The following PNLIP variants were observed in gnomAD, a reference collection of about 807,000 sequenced individuals.
PNLIP encodes pancreatic lipase, also known as pancreatic triacylglycerol lipase.
In PNLIP, 49 loss-of-function variants were observed where a neutral mutation model predicts 57.1. The observed-to-expected ratio is 0.86, with a 90% confidence interval of 0.68 to 1.09. The LOEUF is 1.09. Among genes scored for constraint, PNLIP ranks in the 50% least tolerant of loss-of-function variants. The pLI is 0.00. For missense variants in PNLIP, 503 were observed against 570.2 expected, an observed-to-expected ratio of 0.88 and a Z score of 1.20; for synonymous variants, 209 against 200.4, an observed-to-expected ratio of 1.04 and a Z score of -0.36.
intron 9 of PNLIP, among the ~76,000 whole-genome samples, chr10:116,556,921 T>C (rs1161674320): frequency 6.6e-6 from 1 of 152,194 alleles, no homozygotes; most frequent in Non-Finnish European, 1.5e-5. Context: ...TAGCTGAATA[T>C]CTTTGGGCAA....
chr10:116,557,887 G>A (rs1225136840), intron 9 of PNLIP, among the ~76,000 whole-genome samples: 3 of 152,084 alleles, frequency 2.0e-5, no homozygotes, highest in African/African-American at 7.2e-5. Context: ...GCTAGCTGGG[G>A]CATTTTCTCT....
intron 4 of PNLIP, among the ~76,000 whole-genome samples, chr10:116,549,478 C>CAAA (rs542104414): frequency 7.0e-6 from 1 of 142,266 alleles, no homozygotes; most frequent in African/African-American, 2.6e-5. Flanking sequence ...GATTCCGTCT[C>CAAA]AAAAAAAAAA....
At chr10:116,560,583 C>T (rs151053071) in intron 11 of PNLIP, 59 bp downstream of exon 11, 15 of 741,874 alleles carry the variant, frequency 2.0e-5, no homozygotes, top group South Asian at 3.6e-5. Flanking sequence ...GTCGGAGTCT[C>T]GCTGTGTCGC....
intron 11 of PNLIP, 39 bp downstream of exon 11, chr10:116,560,563 T>G (rs1847304524): frequency 9.4e-7 from 1 of 1,062,706 alleles, no homozygotes; most frequent in Non-Finnish European, 1.4e-6. Context: ...TTTTTTTTTT[T>G]TTTTTTTGAG....
intron 2 of PNLIP, 100 bp from the exon 3 acceptor site, chr10:116,547,194 A>T: frequency 9.0e-7 from 1 of 1,105,126 alleles, no homozygotes; most frequent in Non-Finnish European, 1.4e-6. Context: ...GTAGCAGAGG[A>T]GGAAAGTCTA....
intron 8 of PNLIP, 123 bp downstream of exon 8, chr10:116,555,630 T>A: frequency 6.2e-6 from 7 of 1,123,952 alleles, no homozygotes; most frequent in Non-Finnish European, 8.9e-6. Context: ...AGACTTTTAA[T>A]TGTATCCATG....
In PNLIP at chr10:116,548,402, A is replaced by G; in HGVS notation, c.244A>G (p.Lys82Glu). The change falls in exon 4 of 13, where the codon AAA (lysine) becomes GAA (glutamate). Residue 82 changes from lysine to glutamate, a missense_variant. Transcript: ENST00000369221. ...DSSSISGSNF[K>E]TNRKTRFIIH... is the part of the protein sequence containing the mutation. ...ATCAAGCATCAGTGGCTCCAATTTCAAAACAAATAGAAAAACTCGCTTTAT... is the reference window on the plus strand; with the variant it reads ...ATCAAGCATCAGTGGCTCCAATTTCGAAACAAATAGAAAAACTCGCTTTAT... The G allele has an allele frequency of 6.2e-7, 1 of 1,614,144 alleles. No individual in the cohort carries two copies. Among genetic ancestry groups the G allele is most frequent in the Non-Finnish European group, 8.5e-7 (1 of 1,179,958 alleles).
intron 12 of PNLIP, among the ~76,000 whole-genome samples, chr10:116,562,242 A>G (rs1847322884): frequency 1.3e-5 from 2 of 152,196 alleles, no homozygotes; most frequent in Admixed American, 6.5e-5. Context: ...CTGTCATTCT[A>G]TCCTTCCATC....
intron 12 of PNLIP, among the ~76,000 whole-genome samples, chr10:116,564,982 C>T (rs996453065): frequency 2.6e-5 from 4 of 151,762 alleles, no homozygotes; most frequent in South Asian, 2.1e-4. Flanking sequence ...TAAAAGGGGC[C>T]GGGTGTGGTG....
rs766287516 is a variant in PNLIP, at chr10:116,555,209, C to G, written c.603C>G (p.Gly201=). 2 of 1,613,996 alleles carry G rather than the reference C, an allele frequency of 1.2e-6. No individual in the cohort carries two copies. Among genetic ancestry groups the G allele is most frequent in the Non-Finnish European group, 1.7e-6 (2 of 1,179,868 alleles). The change falls in exon 7 of 13, where the codon GGC becomes GGG. Residue 201 remains glycine (G), a synonymous_variant. Transcript: ENST00000369221. ...ACCCAGCAGAACCTTGCTTTCAGGG[C>G]ACACCTGAATTAGTCCGATTGGACC... ...GLDPAEPCFQ[G]TPELVRLDPS...
chr10:116,547,264 T>C (rs747737299), intron 2 of PNLIP, 30 bp from the exon 3 acceptor site: 2 of 1,611,150 alleles, frequency 1.2e-6, no homozygotes, highest in South Asian at 2.2e-5. Flanking sequence ...AGCATGTTTG[T>C]AAAACTAATA....
At chr10:116,566,191 T>G (rs753852765) in intron 12 of PNLIP, among the ~76,000 whole-genome samples, 3 of 152,180 alleles carry the variant, frequency 2.0e-5, no homozygotes, top group Non-Finnish European at 2.9e-5. Context: ...CAAACTATGG[T>G]CTATGGTCTG....
chr10:116,547,880 T>A (rs780470781), intron 3 of PNLIP, among the ~76,000 whole-genome samples: 15 of 152,098 alleles, frequency 9.9e-5, no homozygotes, highest in Non-Finnish European at 1.8e-4. Context: ...TATTACTTAA[T>A]GTAAATTGTT....
At chr10:116,560,253 C>T (rs903410590) in intron 10 of PNLIP, among the ~76,000 whole-genome samples, 163 bp from the exon 11 acceptor site, 2 of 149,166 alleles carry the variant, frequency 1.3e-5, no homozygotes, top group African/African-American at 2.5e-5. Flanking sequence ...AAAGGAATAT[C>T]TATCACTATT....
At chr10:116,564,947 A>G (rs779623975) in intron 12 of PNLIP, among the ~76,000 whole-genome samples, 1 of 152,204 alleles carries the variant, frequency 6.6e-6, no homozygotes, top group African/African-American at 2.4e-5. Flanking sequence ...ATAAAATATA[A>G]TCCAAAATAG....
intron 12 of PNLIP, among the ~76,000 whole-genome samples, chr10:116,566,079 G>C (rs565129401): frequency 6.6e-6 from 1 of 152,330 alleles, no homozygotes; most frequent in Non-Finnish European, 1.5e-5. Context: ...AAAGTGCTGG[G>C]ATTACATGTG....
In PNLIP at chr10:116,565,173, C is replaced by T. The variant is rs527598938; in HGVS notation, c.1335-2562C>T. Among the ~76,000 whole-genome samples, 350 of 128,336 alleles carry T rather than the reference C, an allele frequency of 2.7e-3. 1 individual carries two copies. Among genetic ancestry groups the T allele is most frequent in the African/African-American group, 9.6e-3 (330 of 34,374 alleles). 84.2% of individuals were successfully genotyped at this position (128,336 alleles called of 152,430 possible). On this transcript the variant is annotated intron_variant, in intron 12 of 12. Transcript: ENST00000369221. ...GCTGAGGCAGGAGAATGGCGTGAAC[C>T]CGGGAGGCGGAGCTTGCAGTGAGCC...
At position 116,556,047 on chromosome 10, in the gene PNLIP, T is replaced by C. The variant is rs925285521; in HGVS notation, c.859T>C (p.Tyr287His). Residue 287 changes from tyrosine to histidine, a missense_variant, in exon 9 of 13, where the codon TAC (tyrosine) becomes CAC (histidine). Transcript: ENST00000369221. ...ACNHLRSYKY[Y>H]TDSIVNPDGF... ...TAATCACTTAAGAAGCTACAAATAT[T>C]ACACTGATAGCATCGTCAACCCTGA... 4.3e-6 allele frequency: 7 copies of C among 1,613,910 alleles called. No homozygotes were observed. The African/African-American group carries it at 9.3e-5, about 22-fold the overall frequency.
At position 116,555,518 on chromosome 10, in the gene PNLIP, T is replaced by TA; in HGVS notation, c.811+12dup. 1 of 1,612,842 alleles carries TA rather than the reference T, an allele frequency of 6.2e-7. No homozygotes were observed. The highest frequency in any genetic ancestry group is 8.5e-7 in the Non-Finnish European group (1 of 1,179,568). ...ACGGAATCTGGGAAGGTAGAACTAT[T>TA]ATGTGTAGAAAGAGATCTTCTTGGG... is the stretch of plus-strand genomic sequence containing the variant. On this transcript the variant is annotated intron_variant, in intron 8 of 12. Transcript: ENST00000369221.
Sources: gnomAD v4.1 joint callset for allele counts (sites outside exome capture counted in the v4.1 genomes callset) on GRCh38, gnomAD v4.1.1 for gene constraint, MANE v1.5 for transcripts, NCBI Gene and HGNC (gene_info 2026-07-23, HGNC 2026-07-21) for gene names.